The following CAST variants were observed in gnomAD, a reference collection of about 807,000 sequenced individuals.
CAST encodes the protein calpastatin, also known as MIR583 host.
A neutral mutation model predicts 119.6 loss-of-function variants in CAST; 76 were observed. That is an observed-to-expected ratio of 0.64 (90% CI 0.53 to 0.77). The LOEUF (loss-of-function observed/expected upper bound fraction) is 0.77, where lower values mean the gene tolerates loss of function less well. Among genes scored for constraint, CAST ranks in the 30% least tolerant of loss-of-function variants. The pLI, the probability that CAST is intolerant of heterozygous loss-of-function variation, is 0.00. For synonymous variants in CAST, 319 were observed against 331.6 expected, an observed-to-expected ratio of 0.96 and a Z score of 0.41; for missense variants, 953 against 946.5, an observed-to-expected ratio of 1.01 and a Z score of -0.09.
At chr5:96,262,743 G>A in the CAST span, among the ~76,000 whole-genome samples, 1 of 152,050 alleles carries the variant, frequency 6.6e-6, no homozygotes, top group African/African-American at 2.4e-5. Context: ...CACCACGTTA[G>A]CCAAGACGGT....
At chr5:96,288,679 A>C in the CAST span, among the ~76,000 whole-genome samples, 1 of 152,170 alleles carries the variant, frequency 6.6e-6, no homozygotes, top group African/African-American at 2.4e-5. Flanking sequence ...TTGCAAGAAC[A>C]AGTAAAGTGC....
intron 3 of CAST, among the ~76,000 whole-genome samples, chr5:96,720,427 A>C (rs375077587): frequency 7.2e-5 from 11 of 152,232 alleles, no homozygotes; most frequent in African/African-American, 2.7e-4. Flanking sequence ...TTGTCTTTAC[A>C]GAGAGAATAA....
chr5:96,392,560 T>C, the CAST span: 1 of 174,368 alleles, frequency 5.7e-6, no homozygotes. Flanking sequence ...GGCATCAAAA[T>C]TTGAAGAACC....
chr5:96,133,646 T>C, the CAST span, among the ~76,000 whole-genome samples: 6 of 152,228 alleles, frequency 3.9e-5, no homozygotes, highest in African/African-American at 1.2e-4. Context: ...AAGGCTATAA[T>C]AAAATCTTCA....
At chr5:95,964,152 A>C in the CAST span, among the ~76,000 whole-genome samples, 8 of 152,178 alleles carry the variant, frequency 5.3e-5, no homozygotes, top group African/African-American at 1.9e-4. Context: ...GAAGGAGGAA[A>C]TGATCAAGTA....
chr5:96,261,435 C>G, the CAST span, among the ~76,000 whole-genome samples: 8 of 152,182 alleles, frequency 5.3e-5, no homozygotes, highest in African/African-American at 1.7e-4. Context: ...CCCCCCCATC[C>G]AGGGCTTATA....
chr5:96,533,656 C>A (rs576257721), intron 1 of CAST, among the ~76,000 whole-genome samples: 18 of 152,234 alleles, frequency 1.2e-4, no homozygotes, highest in African/African-American at 4.1e-4. Context: ...TTCGGCCATG[C>A]ACTTCCATAG....
intron 1 of CAST, among the ~76,000 whole-genome samples, chr5:96,620,210 C>A (rs548037218): frequency 5.3e-5 from 8 of 152,004 alleles, no homozygotes; most frequent in Middle Eastern, 3.4e-3. Context: ...TCATATGCCC[C>A]AAATCCAAAA....
the CAST span, among the ~76,000 whole-genome samples, chr5:96,413,731 C>T: frequency 6.8e-6 from 1 of 146,988 alleles, no homozygotes; most frequent in Non-Finnish European, 1.5e-5. Context: ...ACCTGGGAGG[C>T]AGAGGTTGCA....
At chr5:96,092,045 A>T in the CAST span, among the ~76,000 whole-genome samples, 1 of 152,182 alleles carries the variant, frequency 6.6e-6, no homozygotes, top group Non-Finnish European at 1.5e-5. Context: ...GTGATGAATG[A>T]ATGAATGAAA....
At chr5:96,412,464 T>A in the CAST span, 3 of 1,613,956 alleles carry the variant, frequency 1.9e-6, no homozygotes, top group Non-Finnish European at 2.5e-6. Context: ...ATAGCATCCG[T>A]CACAATGCCA....
At chr5:96,640,551 G>A (rs1367259326) in intron 1 of CAST, among the ~76,000 whole-genome samples, 1 of 152,160 alleles carries the variant, frequency 6.6e-6, no homozygotes, top group Non-Finnish European at 1.5e-5. Context: ...TGAACAAGGG[G>A]GACTGAGATT....
chr5:96,003,560 A>T, the CAST span, among the ~76,000 whole-genome samples: 2 of 151,762 alleles, frequency 1.3e-5, no homozygotes, highest in African/African-American at 4.8e-5. Flanking sequence ...AAAAAAAATC[A>T]AATTTTATCA....
rs759108767 is a variant in CAST at position 96,765,257 on chromosome 5, C to G, written c.1969C>G (p.Leu657Val). 1 of 1,595,970 alleles carries G rather than the reference C, an allele frequency of 6.3e-7. No individual in the cohort carries two copies. The highest frequency in any genetic ancestry group is 1.1e-5 in the South Asian group (1 of 90,622). Reference protein sequence around the residue: ...DKDLDDALDKLSDSLGQRQPD... With the variant: ...DKDLDDALDKVSDSLGQRQPD... The stretch of plus-strand genomic sequence containing the variant: ...AGACCTCGATGATGCCTTGGATAAA[C>G]TCTCTGACAGTCTAGGACAAAGGCA... The change falls in exon 26 of 32, where the codon CTC (leucine) becomes GTC (valine). Residue 657 changes from leucine (L) to valine (V), a missense_variant. Leu to Val is a conservative substitution (Grantham distance 32). Coordinates refer to ENST00000675179, the MANE Select transcript of CAST (RefSeq NM_001750.7).
intron 1 of CAST, among the ~76,000 whole-genome samples, chr5:96,550,311 C>T (rs1338880067): frequency 2.0e-5 from 3 of 152,192 alleles, no homozygotes; most frequent in Admixed American, 2.0e-4. Context: ...AACAGACCTG[C>T]AGCTGAGGGG....
At chr5:96,329,958 G>A in the CAST span, among the ~76,000 whole-genome samples, 1 of 152,204 alleles carries the variant, frequency 6.6e-6, no homozygotes, top group Non-Finnish European at 1.5e-5. Flanking sequence ...TATCTTGGAA[G>A]TTAAACATTT....
the CAST span, among the ~76,000 whole-genome samples, chr5:96,410,183 C>A: frequency 6.6e-6 from 1 of 152,122 alleles, no homozygotes; most frequent in Non-Finnish European, 1.5e-5. Flanking sequence ...GGCCGTCTGA[C>A]TCATGGAAGC....
chr5:96,397,124 C>T, the CAST span, among the ~76,000 whole-genome samples: 3 of 152,206 alleles, frequency 2.0e-5, no homozygotes, highest in African/African-American at 4.8e-5. Context: ...GTTTTTCCCC[C>T]TCTTATAGTA....
chr5:96,256,167 A>G, the CAST span, among the ~76,000 whole-genome samples: 1 of 149,378 alleles, frequency 6.7e-6, no homozygotes, highest in Admixed American at 6.7e-5. Flanking sequence ...GCAGAACTGT[A>G]TATTTATATT....
Sources: gnomAD v4.1 joint callset for allele counts (sites outside exome capture counted in the v4.1 genomes callset) on GRCh38, gnomAD v4.1.1 for gene constraint, MANE v1.5 for transcripts, NCBI Gene and HGNC (gene_info 2026-07-23, HGNC 2026-07-21) for gene names.